Variants in GDAP1 observed in about 807,000 individuals in gnomAD.
The protein encoded by GDAP1 is ganglioside induced differentiation associated protein 1.
Under a neutral mutation model 40.1 loss-of-function variants are expected in GDAP1, and 34 were observed. The observed-to-expected ratio is 0.85, with a 90% CI of 0.64 to 1.13. The LOEUF (loss-of-function observed/expected upper bound fraction) is 1.13. GDAP1 is among the 50% of genes most tolerant of loss of function. The probability of loss-of-function intolerance (pLI) is 0.00; values close to 1 mark genes in which losing one functional copy is unlikely to be tolerated. For missense variants in GDAP1, 374 were observed against 433.7 expected (o/e 0.86, Z 1.22); for synonymous variants, 170 against 157.4 (o/e 1.08, Z -0.60).
At chr8:74,485,084 C>G (rs1282405568) in intron 2 of GDAP1, among the ~76,000 whole-genome samples, 1 of 152,146 alleles carries the variant, frequency 6.6e-6, no homozygotes, top group Non-Finnish European at 1.5e-5. Flanking sequence ...TAAAGTTACA[C>G]TAGTTAATAT....
intron 2 of GDAP1, among the ~76,000 whole-genome samples, chr8:74,432,052 T>G (rs571175367): frequency 9.8e-4 from 150 of 152,316 alleles, no homozygotes; most frequent in African/African-American, 3.4e-3. Flanking sequence ...TCATGCCTAT[T>G]ATTATTTTCT....
intron 2 of GDAP1, among the ~76,000 whole-genome samples, chr8:74,419,876 G>C (rs753212252): frequency 1.3e-5 from 2 of 152,014 alleles, no homozygotes; most frequent in Non-Finnish European, 2.9e-5. Context: ...TTTTGCATGT[G>C]GATATCCAGT....
downstream of GDAP1, among the ~76,000 whole-genome samples, chr8:74,367,534 A>T (rs1308272778): frequency 1.3e-5 from 2 of 152,250 alleles, no homozygotes; most frequent in South Asian, 4.1e-4. Flanking sequence ...AAAAAAAAAC[A>T]GTATGGTAAA....
intron 2 of GDAP1, among the ~76,000 whole-genome samples, chr8:74,436,704 G>A (rs975702980): frequency 2.6e-5 from 4 of 152,094 alleles, no homozygotes; most frequent in Admixed American, 2.0e-4. Flanking sequence ...TTATAGGCGT[G>A]AGCCACTGCG....
At chr8:74,368,447 T>G (rs761454226), downstream of GDAP1, among the ~76,000 whole-genome samples, 1 of 152,178 alleles carries the variant, frequency 6.6e-6, no homozygotes, top group Non-Finnish European at 1.5e-5. Context: ...AAGGTTTGCA[T>G]TACAAAAATG....
intron 2 of GDAP1, among the ~76,000 whole-genome samples, chr8:74,430,431 C>T (rs1268521297): frequency 6.6e-6 from 1 of 152,152 alleles, no homozygotes; most frequent in East Asian, 1.9e-4. Flanking sequence ...TGATACTCCA[C>T]ACAATATGGT....
chr8:74,476,756 T>C (rs13268320), intron 2 of GDAP1, among the ~76,000 whole-genome samples: 1 of 152,182 alleles, frequency 6.6e-6, no homozygotes, highest in Non-Finnish European at 1.5e-5. Context: ...GATGATTATA[T>C]GTCTTCATGA....
chr8:74,366,460 C>CTT lies in GDAP1; in HGVS notation c.*2095_*2096dup. The CTT allele has an allele frequency of 2.2e-6, 1 of 454,422 alleles. No individual in the cohort carries two copies. Among genetic ancestry groups the CTT allele is most frequent in the South Asian group, 1.6e-5 (1 of 64,460 alleles). The allele number at this position is 454,422 out of a possible 1,614,324, so 28.1% of individuals were successfully genotyped here. On this transcript the variant is annotated 3_prime_UTR_variant, in exon 6 of 6. Transcript: ENST00000220822. ...AGGCAAATGTGAGTGATTTCCAGTG[C>CTT]TTTGAAAGGGATTACAGTATCACAC... is the stretch of plus-strand genomic sequence containing the variant.
At chr8:74,357,540 A>G (rs997050234) in intron 2 of GDAP1, among the ~76,000 whole-genome samples, 1 of 152,130 alleles carries the variant, frequency 6.6e-6, no homozygotes, top group Admixed American at 6.5e-5. Context: ...TCTGCTGTTT[A>G]TCAAATCTTT....
chr8:74,488,790 C>A lies in GDAP1; in HGVS notation c.*29C>A, dbSNP rs1806807177. On this transcript the variant is annotated 3_prime_UTR_variant, in exon 3 of 3. Transcript: ENST00000523640. ...TGTATCAATAGCAGAGCTGATCTGG[C>A]ACCTGCCAGTTGGGTTTATTTCAGC... 7 of 152,270 alleles carry A rather than the reference C, an allele frequency of 4.6e-5. 1 individual carries two copies. The South Asian group carries it at 1.4e-3, about 32-fold the overall frequency. 9.4% of individuals were successfully genotyped at this position (152,270 alleles called of 1,614,324 possible).
intron 2 of GDAP1, among the ~76,000 whole-genome samples, chr8:74,402,167 C>T (rs907346627): frequency 4.0e-5 from 6 of 150,474 alleles, no homozygotes; most frequent in Non-Finnish European, 8.8e-5. Flanking sequence ...GTGGAGCCTA[C>T]AGAGGCAGGC....
chr8:74,474,621 C>A (rs891255180), intron 2 of GDAP1, among the ~76,000 whole-genome samples: 3 of 152,138 alleles, frequency 2.0e-5, no homozygotes, highest in African/African-American at 2.4e-5. Context: ...GTTGCACCAA[C>A]CTTGCATCCC....
chr8:74,443,231 G>C (rs1325060583), intron 2 of GDAP1, among the ~76,000 whole-genome samples: 1 of 152,140 alleles, frequency 6.6e-6, no homozygotes, highest in African/African-American at 2.4e-5. Context: ...GGAAGGCAGG[G>C]AGCCTGATCT....
chr8:74,446,343 G>T (rs1034605503), intron 2 of GDAP1, among the ~76,000 whole-genome samples: 1 of 152,086 alleles, frequency 6.6e-6, no homozygotes, highest in African/African-American at 2.4e-5. Flanking sequence ...TATGATGCAC[G>T]TTTTGCCTGC....
At chr8:74,455,059 A>G (rs1397371295) in intron 2 of GDAP1, among the ~76,000 whole-genome samples, 2 of 152,026 alleles carry the variant, frequency 1.3e-5, no homozygotes, top group Non-Finnish European at 2.9e-5. Flanking sequence ...GGAGAAGAAT[A>G]AAGACAATAT....
At chr8:74,355,297 G>T (rs1420245869) in intron 2 of GDAP1, among the ~76,000 whole-genome samples, 2 of 152,098 alleles carry the variant, frequency 1.3e-5, no homozygotes, top group Non-Finnish European at 2.9e-5. Flanking sequence ...CATTTATTGG[G>T]TATTAATTTG....
At chr8:74,384,548 C>G (rs1809998091) in intron 2 of GDAP1, among the ~76,000 whole-genome samples, 1 of 152,218 alleles carries the variant, frequency 6.6e-6, no homozygotes, top group East Asian at 1.9e-4. Flanking sequence ...AAATTCTATC[C>G]AGGTTTTCCA....
intron 2 of GDAP1, among the ~76,000 whole-genome samples, chr8:74,402,044 C>T (rs1241536796): frequency 2.0e-5 from 3 of 150,228 alleles, no homozygotes; most frequent in East Asian, 3.8e-4. Context: ...GTTCTCAGAT[C>T]TCCAGCTGCG....
At chr8:74,448,565 G>C (rs1022535124) in intron 2 of GDAP1, among the ~76,000 whole-genome samples, 1 of 152,048 alleles carries the variant, frequency 6.6e-6, no homozygotes. Context: ...GAGTGTTCTA[G>C]TTGCTCCATG....
Sources: allele counts gnomAD v4.1 joint callset (sites outside exome capture counted in the v4.1 genomes callset), GRCh38; gene constraint gnomAD v4.1.1; transcripts MANE v1.5; gene names NCBI Gene and HGNC (gene_info 2026-07-23, HGNC 2026-07-21).